The following PEPD variants were observed in gnomAD, a reference collection of about 807,000 sequenced individuals.
PEPD encodes the protein xaa-Pro dipeptidase.
PEPD carries 53 observed loss-of-function variants against 60.7 expected under a neutral mutation model. The ratio of observed to expected loss-of-function variants is 0.87; its 90% CI spans 0.70 to 1.10. The LOEUF is 1.10. Ranked by LOEUF, PEPD falls within the 50% of genes least tolerant of loss-of-function variation. The probability of loss-of-function intolerance (pLI) is 0.00; values close to 1 mark genes in which losing one functional copy is unlikely to be tolerated. For synonymous variants in PEPD, 267 were observed against 284.1 expected (o/e 0.94, Z 0.60); for missense variants, 711 against 711.9 (o/e 1.00, Z 0.01).
Position 33,458,610 on chromosome 19 carries a change from G to A in PEPD, c.671+4385C>T, listed in dbSNP as rs372171333. Among the ~76,000 whole-genome samples the A allele has an allele frequency of 5.8e-3, 815 of 140,056 alleles. 7 individuals carry two copies. Among genetic ancestry groups the A allele is most frequent in the Non-Finnish European group, 8.4e-3 (528 of 63,230 alleles). 91.9% of individuals were successfully genotyped at this position (140,056 alleles called of 152,430 possible). A position where few individuals can be genotyped will look rare whatever the true frequency, so the allele number is the denominator to read the frequency against. On this transcript the variant is annotated intron_variant, in intron 9 of 14. Coordinates refer to ENST00000244137, the MANE Select transcript of PEPD (RefSeq NM_000285.4). Reference sequence around the variant, plus strand: ...TGTGTGTGGTGAGTATGGTGTGGGCGGTGTGTATGTGTGATGTGTGTGGCG... The same window carrying A: ...TGTGTGTGGTGAGTATGGTGTGGGCAGTGTGTATGTGTGATGTGTGTGGCG...
intron 9 of PEPD, among the ~76,000 whole-genome samples, chr19:33,461,271 C>A (rs1289336212): frequency 6.6e-6 from 1 of 151,806 alleles, no homozygotes; most frequent in Non-Finnish European, 1.5e-5. Flanking sequence ...GTTCATTATA[C>A]TTTTCTATTA....
chr19:33,481,438 T>C (rs932526772), intron 6 of PEPD, among the ~76,000 whole-genome samples: 36 of 152,010 alleles, frequency 2.4e-4, no homozygotes, highest in Non-Finnish European at 4.9e-4. Context: ...TGGTGGCTTG[T>C]GCCTGTAGTC....
intron 13 of PEPD, among the ~76,000 whole-genome samples, chr19:33,390,881 G>A (rs1283968156): frequency 1.3e-5 from 2 of 152,128 alleles, no homozygotes; most frequent in Non-Finnish European, 1.5e-5. Context: ...CCAGTGGGTG[G>A]GGCCTCATCA....
At chr19:33,460,429 C>G (rs1226588669) in intron 9 of PEPD, among the ~76,000 whole-genome samples, 1 of 152,152 alleles carries the variant, frequency 6.6e-6, no homozygotes, top group African/African-American at 2.4e-5. Flanking sequence ...CACTGGCAAT[C>G]GGGGCGCCTC....
At chr19:33,454,413 C>T (rs1419490288) in intron 9 of PEPD, among the ~76,000 whole-genome samples, 2 of 152,008 alleles carry the variant, frequency 1.3e-5, no homozygotes, top group African/African-American at 2.4e-5. Context: ...ACCAGCCTGG[C>T]CAACATGGCA....
At chr19:33,448,921 T>A (rs112379584) in intron 9 of PEPD, among the ~76,000 whole-genome samples, 1,606 of 152,380 alleles carry the variant, frequency 0.011, 32 homozygotes, top group African/African-American at 0.036. Context: ...GTGTACTGGA[T>A]GTGGCCCAGA....
At chr19:33,403,548 C>T (rs1238760913) in intron 11 of PEPD, among the ~76,000 whole-genome samples, 2 of 152,172 alleles carry the variant, frequency 1.3e-5, no homozygotes, top group East Asian at 1.9e-4. Flanking sequence ...GCTGCCTGTG[C>T]GCCTGCCTGT....
At chr19:33,511,304 C>T (rs1432719479) in intron 2 of PEPD, 149 bp from the exon 3 acceptor site, 2 of 758,622 alleles carry the variant, frequency 2.6e-6, no homozygotes, top group East Asian at 5.5e-5. Flanking sequence ...CCCCTCAGCA[C>T]TCGACTCCCC....
At chr19:33,495,634 G>A (rs749291641) in intron 4 of PEPD, among the ~76,000 whole-genome samples, 5 of 152,068 alleles carry the variant, frequency 3.3e-5, no homozygotes, top group Non-Finnish European at 7.4e-5. Flanking sequence ...CCTCCCTCAT[G>A]TTACTGAGTG....
At chr19:33,408,938 T>TAATA (rs1158936333) in intron 11 of PEPD, among the ~76,000 whole-genome samples, 1 of 152,260 alleles carries the variant, frequency 6.6e-6, no homozygotes, top group Non-Finnish European at 1.5e-5. Flanking sequence ...AAATGCTGCA[T>TAATA]AATAAATTGA....
intron 3 of PEPD, among the ~76,000 whole-genome samples, chr19:33,510,415 G>GTA (rs1970900287): frequency 6.6e-6 from 1 of 152,230 alleles, no homozygotes. Context: ...CACCAGCCAA[G>GTA]TATATATGCA....
intron 9 of PEPD, among the ~76,000 whole-genome samples, chr19:33,424,501 T>G (rs1347338811): frequency 6.6e-6 from 1 of 152,206 alleles, no homozygotes; most frequent in Non-Finnish European, 1.5e-5. Context: ...CCATGCTGAC[T>G]GTAGAGATGA....
intron 9 of PEPD, among the ~76,000 whole-genome samples, chr19:33,414,527 T>C (rs896457206): frequency 2.0e-5 from 3 of 152,114 alleles, no homozygotes; most frequent in Admixed American, 6.5e-5. Flanking sequence ...CGGCAACAGC[T>C]TTCCTGCCGG....
intron 9 of PEPD, among the ~76,000 whole-genome samples, chr19:33,431,428 C>A (rs1178804823): frequency 6.6e-6 from 1 of 152,178 alleles, no homozygotes; most frequent in Non-Finnish European, 1.5e-5. Flanking sequence ...GGAAATTTCC[C>A]CAAGAGGAGA....
intron 7 of PEPD, among the ~76,000 whole-genome samples, chr19:33,468,922 G>T (rs530608031): frequency 6.6e-6 from 1 of 152,284 alleles, no homozygotes; most frequent in African/African-American, 2.4e-5. Flanking sequence ...TCCCCAGAGG[G>T]TGACAGTTCA....
intron 9 of PEPD, among the ~76,000 whole-genome samples, chr19:33,414,564 G>A (rs953884095): frequency 3.3e-5 from 5 of 152,254 alleles, no homozygotes; most frequent in Admixed American, 3.3e-4. Flanking sequence ...CTGCCACCAC[G>A]TGAGACAGGC....
intron 1 of PEPD, among the ~76,000 whole-genome samples, chr19:33,513,656 C>A (rs1048974827): frequency 6.6e-6 from 1 of 152,166 alleles, no homozygotes. Flanking sequence ...CCAATCCCAG[C>A]ACACACTCCC....
chr19:33,489,907 A>G (rs1600157081), intron 6 of PEPD, 89 bp downstream of exon 6: 1 of 793,338 alleles, frequency 1.3e-6, no homozygotes, highest in South Asian at 1.5e-5. Context: ...TGCATAGTTC[A>G]TGTCTTATTT....
At chr19:33,472,892 C>G (rs1860694063) in intron 7 of PEPD, among the ~76,000 whole-genome samples, 3 of 152,172 alleles carry the variant, frequency 2.0e-5, no homozygotes, top group Admixed American at 2.0e-4. Flanking sequence ...CTCCATGACC[C>G]AGTGATGCAA....
Sources: gnomAD v4.1 joint callset for allele counts (sites outside exome capture counted in the v4.1 genomes callset) on GRCh38, gnomAD v4.1.1 for gene constraint, MANE v1.5 for transcripts, NCBI Gene and HGNC (gene_info 2026-07-23, HGNC 2026-07-21) for gene names.